Variants in GRM7 observed in about 807,000 individuals in gnomAD.
GRM7 encodes the protein glutamate metabotropic receptor 7.
In GRM7, 35 loss-of-function variants were observed where a neutral mutation model predicts 84.5. That is an observed-to-expected ratio of 0.41 (90% CI 0.32 to 0.55). The LOEUF (loss-of-function observed/expected upper bound fraction) is 0.55. GRM7 is among the 20% of genes least tolerant of loss of function. GRM7 has a pLI of 0.19. For missense variants in GRM7, 1,003 were observed against 1,194.6 expected (o/e 0.84, Z 2.36); for synonymous variants, 487 against 455.1 (o/e 1.07, Z -0.89).
chr3:7,499,467 G>A (rs868236559), intron 7 of GRM7, among the ~76,000 whole-genome samples: 23 of 152,256 alleles, frequency 1.5e-4, no homozygotes, highest in Middle Eastern at 6.8e-3. Flanking sequence ...CATTTATAAT[G>A]CTTAATGATG....
At chr3:7,284,284 T>TTGTGTGTG (rs1313901735) in intron 2 of GRM7, among the ~76,000 whole-genome samples, 1 of 69,262 alleles carries the variant, frequency 1.4e-5, no homozygotes, top group African/African-American at 6.9e-5. Flanking sequence ...GCATGCTCAC[T>TTGTGTGTG]CGTGTGTGTG....
chr3:6,911,047 C>T (rs1230079485), intron 1 of GRM7, among the ~76,000 whole-genome samples: 1 of 152,134 alleles, frequency 6.6e-6, no homozygotes, highest in East Asian at 1.9e-4. Flanking sequence ...GGTATCAAGA[C>T]ATGAGCAATT....
chr3:6,976,151 A>G (rs1038739182), intron 1 of GRM7, among the ~76,000 whole-genome samples: 2 of 152,146 alleles, frequency 1.3e-5, no homozygotes, highest in African/African-American at 4.8e-5. Flanking sequence ...CTCTGCCCCT[A>G]TAGCCGTAGA....
At chr3:7,049,343 G>A (rs1173245196) in intron 1 of GRM7, among the ~76,000 whole-genome samples, 1 of 151,982 alleles carries the variant, frequency 6.6e-6, no homozygotes, top group Non-Finnish European at 1.5e-5. Flanking sequence ...CAAATGAGGA[G>A]CAAAGTCACA....
At chr3:7,165,611 C>T (rs1412468716) in intron 2 of GRM7, among the ~76,000 whole-genome samples, 2 of 152,148 alleles carry the variant, frequency 1.3e-5, no homozygotes, top group Non-Finnish European at 2.9e-5. Context: ...GTACACTTAG[C>T]TAATTCGATA....
chr3:7,577,341 T>C (rs1328231257), intron 7 of GRM7, among the ~76,000 whole-genome samples: 1 of 152,210 alleles, frequency 6.6e-6, no homozygotes, highest in African/African-American at 2.4e-5. Flanking sequence ...CAAGTCCATA[T>C]GATGGTGATG....
chr3:6,914,300 GT>G (rs1440467332), intron 1 of GRM7, among the ~76,000 whole-genome samples: 1 of 152,120 alleles, frequency 6.6e-6, no homozygotes, highest in Non-Finnish European at 1.5e-5. Context: ...TGCTTCCACA[GT>G]CATATATTCT....
chr3:6,978,833 G>A (rs1217677139), intron 1 of GRM7, among the ~76,000 whole-genome samples: 1 of 152,144 alleles, frequency 6.6e-6, no homozygotes. Flanking sequence ...TCCAAGTCGA[G>A]AAGGCAGACT....
At chr3:7,379,527 C>T (rs1694500536) in intron 4 of GRM7, among the ~76,000 whole-genome samples, 1 of 152,102 alleles carries the variant, frequency 6.6e-6, no homozygotes, top group Admixed American at 6.5e-5. Flanking sequence ...TCTTCCTAAA[C>T]CTTTATTAGT....
intron 7 of GRM7, among the ~76,000 whole-genome samples, chr3:7,528,962 G>T (rs1700920597): frequency 6.6e-6 from 1 of 152,018 alleles, no homozygotes. Flanking sequence ...GTATGTTCAT[G>T]TGCAAGTGGG....
chr3:7,381,845 C>T (rs2125130575), intron 4 of GRM7, among the ~76,000 whole-genome samples: 1 of 152,240 alleles, frequency 6.6e-6, no homozygotes, highest in African/African-American at 2.4e-5. Flanking sequence ...TCAATCATTT[C>T]TGAGTTGAAG....
chr3:7,483,173 T>G (rs1699198365), intron 7 of GRM7, among the ~76,000 whole-genome samples: 1 of 152,200 alleles, frequency 6.6e-6, no homozygotes, highest in African/African-American at 2.4e-5. Context: ...GATGCAACCT[T>G]GGACATGAGG....
chr3:7,409,163 A>T (rs56138078), intron 4 of GRM7, among the ~76,000 whole-genome samples: 4,420 of 152,166 alleles, frequency 0.029, 221 homozygotes, highest in African/African-American at 0.1. Context: ...CGTTTTTTTC[A>T]CTTCCTTCCC....
chr3:6,987,006 G>A (rs887171716), intron 1 of GRM7, among the ~76,000 whole-genome samples: 2 of 152,202 alleles, frequency 1.3e-5, no homozygotes, highest in Non-Finnish European at 2.9e-5. Flanking sequence ...CTGTTACTCA[G>A]TTAATTCACA....
chr3:7,100,190 T>A (rs918355318), intron 1 of GRM7, among the ~76,000 whole-genome samples: 98 of 151,606 alleles, frequency 6.5e-4, no homozygotes, highest in African/African-American at 2.3e-3. Context: ...GTTGACTTCA[T>A]GAACTTTTAT....
At chr3:7,231,818 A>G (rs1303488705) in intron 2 of GRM7, among the ~76,000 whole-genome samples, 2 of 152,190 alleles carry the variant, frequency 1.3e-5, no homozygotes, top group African/African-American at 2.4e-5. Flanking sequence ...CCAGCTGTAA[A>G]GGTGTCCCCT....
At chr3:7,405,956 G>T (rs140916312) in intron 4 of GRM7, among the ~76,000 whole-genome samples, 7 of 151,508 alleles carry the variant, frequency 4.6e-5, no homozygotes, top group African/African-American at 1.7e-4. Flanking sequence ...ATAATGTAGT[G>T]AATATTATAT....
chr3:7,130,565 A>T (rs1344837495), intron 1 of GRM7, among the ~76,000 whole-genome samples: 2 of 150,924 alleles, frequency 1.3e-5, no homozygotes, highest in Non-Finnish European at 3.0e-5. Context: ...GAAAAGAAAA[A>T]AAAAAAGGAT....
intron 7 of GRM7, among the ~76,000 whole-genome samples, chr3:7,491,388 ATAT>A (rs1452013393): frequency 6.8e-6 from 1 of 146,996 alleles, no homozygotes; most frequent in African/African-American, 2.5e-5. Context: ...GCATAATAAA[ATAT>A]TAAGGAAAAT....
Sources: allele counts gnomAD v4.1 joint callset (sites outside exome capture counted in the v4.1 genomes callset), GRCh38; gene constraint gnomAD v4.1.1; transcripts MANE v1.5; gene names NCBI Gene and HGNC (gene_info 2026-07-23, HGNC 2026-07-21).